Variants in NETO1 observed in about 807,000 individuals in gnomAD.
NETO1 encodes neuropilin and tolloid-like protein 1.
NETO1 carries 26 observed loss-of-function variants against 61.3 expected under a neutral mutation model. That is an observed-to-expected ratio of 0.42 (90% CI 0.31 to 0.59). NETO1 has a LOEUF of 0.59. Ranked by LOEUF, NETO1 falls within the 20% of genes least tolerant of loss-of-function variation. NETO1 has a pLI of 0.12. For synonymous variants in NETO1, 225 were observed against 225.8 expected (o/e 1.00, Z 0.03); for missense variants, 531 against 662.8 (o/e 0.80, Z 2.18).
intron 4 of NETO1, among the ~76,000 whole-genome samples, chr18:72,839,968 T>C (rs898587114): frequency 1.3e-5 from 2 of 152,214 alleles, no homozygotes; most frequent in African/African-American, 2.4e-5. Flanking sequence ...GCATGAACTA[T>C]AGGAGCTAAA....
intron 3 of NETO1, among the ~76,000 whole-genome samples, chr18:72,860,080 C>G (rs1214785620): frequency 6.6e-6 from 1 of 152,198 alleles, no homozygotes; most frequent in Non-Finnish European, 1.5e-5. Flanking sequence ...CATTCTTCCC[C>G]TGGTACGTCC....
intron 4 of NETO1, among the ~76,000 whole-genome samples, chr18:72,852,534 T>A (rs1348236315): frequency 1.3e-5 from 2 of 152,208 alleles, no homozygotes; most frequent in African/African-American, 4.8e-5. Context: ...TCTTTCTTTA[T>A]GGGAAACTTC....
intron 8 of NETO1, among the ~76,000 whole-genome samples, chr18:72,755,240 A>G (rs2070746567): frequency 6.6e-6 from 1 of 152,204 alleles, no homozygotes; most frequent in South Asian, 2.1e-4. Flanking sequence ...AATCAACAAC[A>G]AAATAGTTGA....
chr18:72,749,537 AAATATT>A (rs2070521983), intron 9 of NETO1, among the ~76,000 whole-genome samples: 1 of 152,134 alleles, frequency 6.6e-6, no homozygotes, highest in African/African-American at 2.4e-5. Context: ...TTCCTAATAT[AAATATT>A]ATGTAATATG....
At position 72,750,449 on chromosome 18, in the gene NETO1, T is replaced by C; in HGVS notation, c.1154A>G (p.Gln385Arg). 6.2e-7 allele frequency: 1 copy of C among 1,614,160 alleles called. No individual in the cohort carries two copies. Among genetic ancestry groups the C allele is most frequent in the Non-Finnish European group, 8.5e-7 (1 of 1,180,012 alleles). ...RKSDFDQTVF[Q>R]EVFEPPHYEL... ...ATAATGAGGAGGTTCAAATACCTCC[T>C]GGAAAACTGTCTGGTCAAAGTCTGA... Residue 385 changes from glutamine (Q) to arginine (R), a missense_variant, in exon 9 of 11, where the codon CAG becomes CGG. Transcript: ENST00000327305.
intron 4 of NETO1, among the ~76,000 whole-genome samples, chr18:72,817,743 A>T (rs1175524494): frequency 6.6e-6 from 1 of 152,204 alleles, no homozygotes; most frequent in Non-Finnish European, 1.5e-5. Flanking sequence ...GTCACTTCCA[A>T]GATTTGGTTG....
At chr18:72,789,140 A>G (rs1459984024) in intron 6 of NETO1, among the ~76,000 whole-genome samples, 1 of 151,988 alleles carries the variant, frequency 6.6e-6, no homozygotes, top group African/African-American at 2.4e-5. Context: ...TTTGGACGGT[A>G]TCAATGTTCC....
intron 3 of NETO1, among the ~76,000 whole-genome samples, chr18:72,862,117 T>G (rs146115813): frequency 1.1e-4 from 17 of 152,244 alleles, no homozygotes; most frequent in African/African-American, 3.4e-4. Flanking sequence ...TCTGGAAAAT[T>G]TATTCTACAT....
intron 4 of NETO1, among the ~76,000 whole-genome samples, chr18:72,819,920 A>G (rs1170874108): frequency 2.0e-5 from 3 of 152,176 alleles, no homozygotes; most frequent in Admixed American, 1.3e-4. Flanking sequence ...GATTTCTGTT[A>G]GCTCATTTTA....
At chr18:72,862,621 T>G (rs867352780) in intron 3 of NETO1, among the ~76,000 whole-genome samples, 1 of 109,312 alleles carries the variant, frequency 9.1e-6, no homozygotes. Context: ...CCTTTTTTTT[T>G]CTTTTTTTTT....
chr18:72,804,037 T>C (rs922860714), intron 4 of NETO1, among the ~76,000 whole-genome samples: 1 of 152,068 alleles, frequency 6.6e-6, no homozygotes, highest in Non-Finnish European at 1.5e-5. Context: ...TTCATTAATA[T>C]CTTCATATTA....
chr18:72,782,897 T>TAG (rs892340855), intron 7 of NETO1, among the ~76,000 whole-genome samples: 3 of 152,230 alleles, frequency 2.0e-5, no homozygotes, highest in African/African-American at 7.2e-5. Context: ...TGGATTTCTC[T>TAG]AATAATTAAT....
At chr18:72,759,025 ACT>A (rs1334717066) in intron 7 of NETO1, among the ~76,000 whole-genome samples, 1 of 151,912 alleles carries the variant, frequency 6.6e-6, no homozygotes, top group Non-Finnish European at 1.5e-5. Context: ...TGCACTAAAG[ACT>A]CTCATTTCTC....
chr18:72,810,036 C>T (rs1053292783), intron 4 of NETO1, among the ~76,000 whole-genome samples: 1 of 152,078 alleles, frequency 6.6e-6, no homozygotes, highest in Non-Finnish European at 1.5e-5. Context: ...AAAAATAAAA[C>T]ATTGTGTCTA....
chr18:72,782,564 G>T (rs1259082658), intron 7 of NETO1, among the ~76,000 whole-genome samples: 1 of 152,126 alleles, frequency 6.6e-6, no homozygotes, highest in Non-Finnish European at 1.5e-5. Context: ...CAGCACTTTG[G>T]GAGGCCGAGG....
At chr18:72,778,006 G>T (rs1260661125) in intron 7 of NETO1, among the ~76,000 whole-genome samples, 3 of 152,162 alleles carry the variant, frequency 2.0e-5, no homozygotes. Flanking sequence ...TGAAACATAG[G>T]TGAAGGCAGC....
At chr18:72,802,083 G>A (rs1036965038) in intron 4 of NETO1, among the ~76,000 whole-genome samples, 2 of 151,682 alleles carry the variant, frequency 1.3e-5, no homozygotes, top group African/African-American at 4.8e-5. Context: ...TAATTTCATA[G>A]GACTTAGAAA....
chr18:72,777,200 C>T (rs2071576105), intron 7 of NETO1, among the ~76,000 whole-genome samples: 1 of 150,010 alleles, frequency 6.7e-6, no homozygotes, highest in South Asian at 2.1e-4. Flanking sequence ...TGTGGATCAC[C>T]TGAGGTCCAG....
At chr18:72,769,879 A>G (rs991871488) in intron 7 of NETO1, among the ~76,000 whole-genome samples, 1 of 152,258 alleles carries the variant, frequency 6.6e-6, no homozygotes, top group South Asian at 2.1e-4. Context: ...GCATTTTTCC[A>G]TGCTTATAAA....
Sources: gnomAD v4.1 joint callset for allele counts (sites outside exome capture counted in the v4.1 genomes callset) on GRCh38, gnomAD v4.1.1 for gene constraint, MANE v1.5 for transcripts, NCBI Gene and HGNC (gene_info 2026-07-23, HGNC 2026-07-21) for gene names.